The following TNR variants were observed in gnomAD, a reference collection of about 807,000 sequenced individuals.
The protein encoded by TNR is tenascin R.
In TNR, 45 loss-of-function variants were observed where a neutral mutation model predicts 150.4. The observed-to-expected ratio is 0.30, with a 90% CI of 0.24 to 0.38. TNR has a LOEUF of 0.38. Among genes scored for constraint, TNR ranks in the 10% least tolerant of loss-of-function variants. The pLI is 1.00. For missense variants in TNR, 1,544 were observed against 1,759.1 expected, an observed-to-expected ratio of 0.88 and a Z score of 2.19; for synonymous variants, 687 against 678.4, an observed-to-expected ratio of 1.01 and a Z score of -0.20.
intron 1 of TNR, among the ~76,000 whole-genome samples, chr1:175,628,298 C>T (rs1050788129): frequency 6.6e-6 from 1 of 152,048 alleles, no homozygotes; most frequent in Non-Finnish European, 1.5e-5. Flanking sequence ...GTTCCTAGAG[C>T]CTTTTTAGGA....
Position 175,365,494 on chromosome 1 carries a change from C to G in TNR, c.2318-215G>C, listed in dbSNP as rs142291665. Among the ~76,000 whole-genome samples the G allele has an allele frequency of 3.2e-4, 48 of 152,306 alleles. No individual in the cohort carries two copies. The East Asian group carries it at 7.3e-3, about 23-fold the overall frequency. On this transcript the variant is annotated intron_variant, in intron 11 of 22. Coordinates refer to ENST00000367674, the MANE Select transcript of TNR (RefSeq NM_003285.3). ...AAAATGGATTCTGTTAAAATGAGAA[C>G]TACTTCTGTGAGTTAATCATAATAC...
At chr1:175,615,730 G>A (rs1396197411) in intron 1 of TNR, among the ~76,000 whole-genome samples, 1 of 152,218 alleles carries the variant, frequency 6.6e-6, no homozygotes, top group Non-Finnish European at 1.5e-5. Flanking sequence ...CAATTGTGCA[G>A]TGGTACTGAA....
Position 175,668,320 on chromosome 1 carries a change from T to C in TNR, c.-165+74906A>G, listed in dbSNP as rs997022774. The stretch of plus-strand genomic sequence containing the variant: ...TTTTGGTAGACCTCAGTTTGAGTGG[T>C]CAGGTGGCTTTCAGGGCAGTTGTTT... On this transcript the variant is annotated intron_variant, in intron 1 of 22. Coordinates refer to ENST00000367674, the MANE Select transcript of TNR (RefSeq NM_003285.3). Among the ~76,000 whole-genome samples the C allele has an allele frequency of 3.3e-5, 5 of 152,112 alleles. No individual in the cohort carries two copies. In the South Asian group the frequency reaches 6.2e-4, roughly 19 times the overall value.
chr1:175,501,046 A>G (rs1658713376), intron 2 of TNR, among the ~76,000 whole-genome samples: 2 of 152,104 alleles, frequency 1.3e-5, no homozygotes. Flanking sequence ...ACCTGTGAAT[A>G]TGGTGGGAGA....
At chr1:175,402,493 T>C (rs923184183) in intron 4 of TNR, among the ~76,000 whole-genome samples, 1 of 152,072 alleles carries the variant, frequency 6.6e-6, no homozygotes, top group Non-Finnish European at 1.5e-5. Flanking sequence ...ACAAAGTGAG[T>C]CATACTCTTA....
intron 1 of TNR, among the ~76,000 whole-genome samples, chr1:175,592,550 T>C (rs1662841520): frequency 6.6e-6 from 1 of 152,238 alleles, no homozygotes; most frequent in Non-Finnish European, 1.5e-5. Flanking sequence ...CTGGGTGAGA[T>C]AGTCTTTGCT....
chr1:175,618,918 G>A (rs1663868050), intron 1 of TNR, among the ~76,000 whole-genome samples: 1 of 152,174 alleles, frequency 6.6e-6, no homozygotes, highest in Non-Finnish European at 1.5e-5. Flanking sequence ...TGAGGATTTG[G>A]TTGGCCACTA....
intron 2 of TNR, among the ~76,000 whole-genome samples, chr1:175,514,347 C>T (rs906306560): frequency 1.3e-5 from 2 of 152,250 alleles, no homozygotes; most frequent in Admixed American, 1.3e-4. Flanking sequence ...TGCAAGAAAA[C>T]ATGTTCTCCC....
chr1:175,650,798 C>CATTACTGCCCCTCCTCGCT (rs1558054722), intron 1 of TNR, among the ~76,000 whole-genome samples: 15 of 1,462 alleles, frequency 0.01, no homozygotes, highest in East Asian at 0.018. Flanking sequence ...CCTCCCCCAT[C>CATTACTGCCCCTCCTCGCT]TCATTACTAC....
At chr1:175,657,776 G>A (rs567215220) in intron 1 of TNR, among the ~76,000 whole-genome samples, 3 of 93,560 alleles carry the variant, frequency 3.2e-5, no homozygotes, top group Middle Eastern at 7.5e-3. Flanking sequence ...GTTGTGGGGT[G>A]GGGGGAGGGA....
At chr1:175,384,346 G>C (rs1003315251) in intron 8 of TNR, among the ~76,000 whole-genome samples, 2 of 152,164 alleles carry the variant, frequency 1.3e-5, no homozygotes, top group Non-Finnish European at 2.9e-5. Flanking sequence ...GAAGAGAAAT[G>C]GGCAGAATTT....
intron 1 of TNR, among the ~76,000 whole-genome samples, chr1:175,568,473 G>A (rs894209076): frequency 6.6e-6 from 1 of 152,262 alleles, no homozygotes; most frequent in South Asian, 2.1e-4. Context: ...CACTTTACAA[G>A]AGGTGCTCAG....
At chr1:175,363,570 C>G in intron 13 of TNR, 138 bp downstream of exon 13, 1 of 1,167,508 alleles carries the variant, frequency 8.6e-7, no homozygotes, top group Non-Finnish European at 1.2e-6. Flanking sequence ...GCTCACCAGC[C>G]CACTCTCATT....
intron 1 of TNR, among the ~76,000 whole-genome samples, chr1:175,653,421 A>G (rs1311907813): frequency 6.6e-6 from 1 of 152,234 alleles, no homozygotes; most frequent in Non-Finnish European, 1.5e-5. Context: ...TCAAAGCTCA[A>G]AACAACACTA....
chr1:175,655,996 C>T (rs1353729514), intron 1 of TNR, among the ~76,000 whole-genome samples: 1 of 151,960 alleles, frequency 6.6e-6, no homozygotes, highest in African/African-American at 2.4e-5. Context: ...CTGGATCCAG[C>T]CAGGGCTCTG....
chr1:175,490,345 A>T (rs1658192415), intron 2 of TNR, among the ~76,000 whole-genome samples: 1 of 152,254 alleles, frequency 6.6e-6, no homozygotes, highest in South Asian at 2.1e-4. Context: ...GCGAAAAGCA[A>T]TTGCAACAGA....
chr1:175,699,569 G>A (rs916022907), intron 1 of TNR, among the ~76,000 whole-genome samples: 3 of 152,136 alleles, frequency 2.0e-5, no homozygotes, highest in African/African-American at 4.8e-5. Context: ...GGCTAAGGAG[G>A]GCAAGGGAAG....
At position 175,355,536 on chromosome 1, in the gene TNR, G is replaced by A. The variant is rs1557881617; in HGVS notation, c.3216C>T (p.Val1072=). The A allele has an allele frequency of 1.9e-6, 3 of 1,614,060 alleles. No individual in the cohort carries two copies. In the South Asian group the frequency reaches 3.3e-5, roughly 18 times the overall value. ...TTCCATCGGTGGATTTGTAGGTCAA[G>A]ACATAATTTTCAATCTCTGCCCTGG... ...QPPRAEIENY[V]LTYKSTDGSR... Residue 1072 remains valine, a synonymous_variant, in exon 17 of 23, where the codon GTC becomes GTT. Coordinates refer to ENST00000367674, the MANE Select transcript of TNR (RefSeq NM_003285.3).
At chr1:175,454,501 C>T (rs1439879706) in intron 2 of TNR, among the ~76,000 whole-genome samples, 1 of 150,494 alleles carries the variant, frequency 6.6e-6, no homozygotes, top group East Asian at 1.9e-4. Context: ...GACAGAGTCT[C>T]GCTCTGTTGC....
Sources: gnomAD v4.1 joint callset for allele counts (sites outside exome capture counted in the v4.1 genomes callset) on GRCh38, gnomAD v4.1.1 for gene constraint, MANE v1.5 for transcripts, NCBI Gene and HGNC (gene_info 2026-07-23, HGNC 2026-07-21) for gene names.